The following FBXO15 variants were observed in gnomAD, a reference collection of about 807,000 sequenced individuals.
FBXO15 encodes F-box protein 15.
FBXO15 carries 30 observed loss-of-function variants against 49.5 expected under a neutral mutation model. The observed-to-expected ratio is 0.61, with a 90% CI of 0.45 to 0.82. The LOEUF (loss-of-function observed/expected upper bound fraction) is 0.82. FBXO15 is among the 40% of genes least tolerant of loss of function. FBXO15 has a pLI of 0.00. For missense variants in FBXO15, 591 were observed against 631.5 expected (o/e 0.94, Z 0.69); for synonymous variants, 250 against 232.7 (o/e 1.07, Z -0.68).
intron 7 of FBXO15, among the ~76,000 whole-genome samples, chr18:74,123,975 G>A (rs1254502066): frequency 6.6e-6 from 1 of 151,432 alleles, no homozygotes; most frequent in Non-Finnish European, 1.5e-5. Flanking sequence ...AAATACTCAG[G>A]AGCTTCTCAG....
intron 8 of FBXO15, chr18:74,098,674 A>T (rs1419667291): frequency 4.6e-5 from 7 of 152,266 alleles, no homozygotes; most frequent in African/African-American, 9.6e-5. Flanking sequence ...AGAGAAATCT[A>T]AAAGTTTGGA....
intron 8 of FBXO15, among the ~76,000 whole-genome samples, chr18:74,091,300 T>A (rs1913016074): frequency 6.6e-6 from 1 of 152,190 alleles, no homozygotes; most frequent in Non-Finnish European, 1.5e-5. Context: ...GCATGTGAGA[T>A]GGGTGTCCCG....
In FBXO15 at chr18:74,147,739, A is replaced by G. The variant is rs1442478260; in HGVS notation, c.47T>C (p.Leu16Pro). 4 of 1,536,282 alleles carry G rather than the reference A, an allele frequency of 2.6e-6. No homozygotes were observed. The highest frequency in any genetic ancestry group is 1.4e-5 in the African/African-American group (1 of 72,002). ...CCTGCTGGGCCCGCGCAGCGTCTGGAGGCCGAGCCAGTGCTGCTGCAAGAT... is the reference window on the plus strand; with the variant it reads ...CCTGCTGGGCCCGCGCAGCGTCTGGGGGCCGAGCCAGTGCTGCTGCAAGAT... ...GRILQQHWLG[L>P]QTLRGPSRGG... The change falls in exon 1 of 10, where the codon CTC becomes CCC. Residue 16 changes from leucine (L) to proline (P), a missense_variant. By Grantham distance (98) the Leu-to-Pro change is moderately conservative. Coordinates refer to ENST00000419743, the MANE Select transcript of FBXO15 (RefSeq NM_001142958.2).
At chr18:74,117,152 ACT>A (rs145533125) in intron 8 of FBXO15, among the ~76,000 whole-genome samples, 2,413 of 152,156 alleles carry the variant, frequency 0.016, 72 homozygotes, top group African/African-American at 0.054. Context: ...TTACAAAGAC[ACT>A]CTGATGGCAA....
chr18:74,092,339 T>A (rs1306405814), intron 8 of FBXO15, among the ~76,000 whole-genome samples: 3 of 152,314 alleles, frequency 2.0e-5, no homozygotes, highest in Middle Eastern at 3.4e-3. Flanking sequence ...GTTGATGATT[T>A]TTGTTCTTAT....
At chr18:74,111,755 T>A (rs1761064655) in intron 8 of FBXO15, among the ~76,000 whole-genome samples, 1 of 152,040 alleles carries the variant, frequency 6.6e-6, no homozygotes, top group Middle Eastern at 3.4e-3. Context: ...CAAAAGCTGG[T>A]TTTTTTGGAA....
chr18:74,077,043 G>A (rs921580162), intron 9 of FBXO15, among the ~76,000 whole-genome samples: 1 of 152,202 alleles, frequency 6.6e-6, no homozygotes, highest in Non-Finnish European at 1.5e-5. Context: ...CCAGTGTGTT[G>A]AATGCAGAAC....
chr18:74,134,233 A>G (rs1978574156), intron 3 of FBXO15, among the ~76,000 whole-genome samples: 1 of 152,164 alleles, frequency 6.6e-6, no homozygotes, highest in Non-Finnish European at 1.5e-5. Context: ...GAGTATGACA[A>G]TGGTTGAGGA....
At chr18:74,124,318 C>T (rs569867011) in intron 7 of FBXO15, among the ~76,000 whole-genome samples, 171 bp downstream of exon 7, 2 of 152,300 alleles carry the variant, frequency 1.3e-5, no homozygotes, top group East Asian at 1.9e-4. Flanking sequence ...AATATGTACT[C>T]GTGAATAATC....
chr18:74,140,287 C>T lies in FBXO15; in HGVS notation c.142G>A (p.Ala48Thr). Reference protein sequence around the residue: ...CRKGPGVKLSAGSAALRCHAG... With the variant: ...CRKGPGVKLSTGSAALRCHAG... ...TGGCACCTCAGGGCAGCAGAGCCTG[C>T]AGAAAGCTTGACCCCTGGCCCCTTT... is the stretch of plus-strand genomic sequence containing the variant. Residue 48 changes from alanine to threonine, a missense_variant, in exon 2 of 10, where the codon GCA (alanine) becomes ACA (threonine). Transcript: ENST00000419743. The T allele has an allele frequency of 6.4e-7, 1 of 1,551,250 alleles. No individual in the cohort carries two copies. Among genetic ancestry groups the T allele is most frequent in the African/African-American group, 1.4e-5 (1 of 73,154 alleles).
chr18:74,126,552 T>C (rs966815518), intron 5 of FBXO15, among the ~76,000 whole-genome samples: 4 of 152,220 alleles, frequency 2.6e-5, no homozygotes, highest in African/African-American at 7.2e-5. Context: ...GGAAAGCAGA[T>C]GGGCCTTTCA....
At chr18:74,080,436 T>C (rs577094231) in intron 9 of FBXO15, among the ~76,000 whole-genome samples, 18 of 152,348 alleles carry the variant, frequency 1.2e-4, no homozygotes, top group African/African-American at 4.1e-4. Context: ...AGAAGGAATT[T>C]ATGGGGAAAA....
intron 8 of FBXO15, among the ~76,000 whole-genome samples, chr18:74,086,920 A>T (rs1227419860): frequency 6.6e-6 from 1 of 152,210 alleles, no homozygotes; most frequent in Middle Eastern, 3.2e-3. Context: ...ACACAAGCAT[A>T]TCTCAGACGT....
intron 2 of FBXO15, among the ~76,000 whole-genome samples, chr18:74,136,121 C>T (rs73476546): frequency 0.014 from 2,056 of 152,250 alleles, 46 homozygotes; most frequent in African/African-American, 0.047. Flanking sequence ...ATTTTAATCA[C>T]GTTCATACAC....
chr18:74,124,786 C>T (rs1454051286), intron 6 of FBXO15, among the ~76,000 whole-genome samples: 2 of 152,122 alleles, frequency 1.3e-5, no homozygotes, highest in Admixed American at 6.6e-5. Flanking sequence ...ACAATTCACC[C>T]AAATATGCAG....
intron 8 of FBXO15, among the ~76,000 whole-genome samples, chr18:74,111,853 G>A (rs1031524294): frequency 6.6e-6 from 1 of 152,026 alleles, no homozygotes; most frequent in African/African-American, 2.4e-5. Context: ...TGAAAAATGG[G>A]AATATCAGTG....
At position 74,135,811 on chromosome 18, in the gene FBXO15, G is replaced by A; in HGVS notation, c.283C>T (p.Leu95=). 3.1e-6 allele frequency: 5 copies of A among 1,612,814 alleles called. No homozygotes were observed. The highest frequency in any genetic ancestry group is 4.2e-6 in the Non-Finnish European group (5 of 1,179,752). Residue 95 remains leucine, a synonymous_variant, in exon 3 of 10, where the codon CTG becomes TTG. Coordinates refer to ENST00000419743, the MANE Select transcript of FBXO15 (RefSeq NM_001142958.2). ...CGCCTGCTCACACATCCAGTACACAGAAGGCTCACAGCATCCAAGTAGGAA... is the reference window on the plus strand; with the variant it reads ...CGCCTGCTCACACATCCAGTACACAAAAGGCTCACAGCATCCAAGTAGGAA... The part of the protein sequence containing the change: ...IFSYLDAVSL[L]CTGCVSRRFY...
chr18:74,105,832 G>A (rs528636305), intron 8 of FBXO15, among the ~76,000 whole-genome samples: 1 of 152,202 alleles, frequency 6.6e-6, no homozygotes, highest in African/African-American at 2.4e-5. Context: ...TGGAGGGATA[G>A]ATGAAAACTC....
chr18:74,074,599 A>G lies in FBXO15; in HGVS notation c.1264-869T>C, dbSNP rs1599126074. Among the ~76,000 whole-genome samples, 1 of 151,966 alleles carries G rather than the reference A, an allele frequency of 6.6e-6. No individual in the cohort carries two copies. Among genetic ancestry groups the G allele is most frequent in the African/African-American group, 2.4e-5 (1 of 41,356 alleles). ...GACTCACTGGATGACTTCCACTACAACTGTACTTCAGATTTACCCAGTGTT... is the reference window on the plus strand; with the variant it reads ...GACTCACTGGATGACTTCCACTACAGCTGTACTTCAGATTTACCCAGTGTT... On this transcript the variant is annotated intron_variant, in intron 9 of 9. Coordinates refer to ENST00000419743, the MANE Select transcript of FBXO15 (RefSeq NM_001142958.2). This position sits in a 1 kb window ranked among gnomAD's most constrained non-coding sequence, Gnocchi z 4.7.
Sources: gnomAD v4.1 joint callset for allele counts (sites outside exome capture counted in the v4.1 genomes callset) on GRCh38, gnomAD v4.1.1 for gene constraint, Gnocchi (gnomAD v3.1) non-coding constraint, MANE v1.5 for transcripts, NCBI Gene and HGNC (gene_info 2026-07-23, HGNC 2026-07-21) for gene names.